The following RGPD1 variants were observed in gnomAD, a reference collection of about 807,000 sequenced individuals.
The protein encoded by RGPD1 is RANBP2 like and GRIP domain containing 1.
RGPD1 carries 7 observed loss-of-function variants against 40.6 expected under a neutral mutation model. The observed-to-expected ratio is 0.17, with a 90% CI of 0.10 to 0.32. The LOEUF is 0.32. RGPD1 is among the 10% of genes least tolerant of loss of function. RGPD1 has a pLI of 1.00. For synonymous variants in RGPD1, 24 were observed against 167.0 expected (o/e 0.14, Z 6.60); for missense variants, 50 against 472.5 (o/e 0.11, Z 8.29).
At chr2:86,915,043 C>T (rs1677726617) in intron 1 of RGPD1, among the ~76,000 whole-genome samples, 1 of 149,700 alleles carries the variant, frequency 6.7e-6, no homozygotes, top group East Asian at 2.0e-4. Context: ...CACCTGTAAT[C>T]CCAACATTTT....
chr2:86,964,268 C>G lies in RGPD1; in HGVS notation c.975+1044C>G, dbSNP rs1170947739. ...CTGTGTTAGCCAGGATGGTCTCAAT[C>G]TCCTGACCTAGTCATCCACCTGCCT... is the stretch of plus-strand genomic sequence containing the variant. On this transcript the variant is annotated intron_variant, in intron 7 of 22. Transcript: ENST00000641458. 4.0e-5 allele frequency among the ~76,000 whole-genome samples: 4 copies of G among 100,896 alleles called. 2 individuals are homozygous for G. Among genetic ancestry groups the G allele is most frequent in the Non-Finnish European group, 7.7e-5 (4 of 51,898 alleles). The allele number at this position is 100,896 out of a possible 152,430, so 66.2% of individuals were successfully genotyped here.
intron 1 of RGPD1, among the ~76,000 whole-genome samples, chr2:86,925,761 G>C (rs1249650793): frequency 6.6e-6 from 1 of 151,802 alleles, no homozygotes; most frequent in South Asian, 2.1e-4. Flanking sequence ...TAAAGAAATA[G>C]AGTCTCGCTG....
In RGPD1 at chr2:86,942,259, G is replaced by A. The variant is rs1387174062; in HGVS notation, c.23G>A (p.Gly8Glu). 3 of 1,607,658 alleles carry A rather than the reference G, an allele frequency of 1.9e-6. No individual in the cohort carries two copies. The highest frequency in any genetic ancestry group is 2.7e-5 in the African/African-American group (2 of 74,798). ...GCGATGAGGCGCAGCAAGGCCTACG[G>A]GGAGCGGTACGTCGCCTCGGTGCAG... MRRSKAY[G>E]ERYVASVQGS... The change falls in exon 1 of 23, where the codon GGG becomes GAG. Residue 8 changes from glycine to glutamate, a missense_variant. Physicochemically the swap from Gly to Glu is moderately conservative, Grantham distance 98 (BLOSUM62 -2). Coordinates refer to ENST00000641458, the MANE Select transcript of RGPD1 (RefSeq NM_001382344.1).
intron 1 of RGPD1, among the ~76,000 whole-genome samples, chr2:86,928,457 G>T (rs1443754931): frequency 1.3e-5 from 2 of 152,150 alleles, no homozygotes; most frequent in African/African-American, 4.8e-5. Flanking sequence ...ATTAAACAGA[G>T]GAGGGACAGG....
At chr2:87,009,246 A>G (rs1295035670) in intron 22 of RGPD1, among the ~76,000 whole-genome samples, 35 of 25,828 alleles carry the variant, frequency 1.4e-3, no homozygotes, top group African/African-American at 5.9e-3. Flanking sequence ...AGGAGCTTGC[A>G]GTGAGCTGAG....
intron 1 of RGPD1, among the ~76,000 whole-genome samples, chr2:86,944,895 TTAATG>T (rs1680224568): frequency 6.6e-6 from 1 of 151,866 alleles, no homozygotes; most frequent in South Asian, 2.1e-4. Context: ...GCTTTTTTCT[TTAATG>T]TAGAGACGGG....
chr2:86,923,284 C>T (rs1322394764), intron 1 of RGPD1, among the ~76,000 whole-genome samples: 1 of 151,656 alleles, frequency 6.6e-6, no homozygotes, highest in Non-Finnish European at 1.5e-5. Flanking sequence ...AGTGACCTTC[C>T]TGACCTTGGT....
chr2:86,926,700 C>G (rs1175473153), intron 1 of RGPD1, among the ~76,000 whole-genome samples: 1 of 151,840 alleles, frequency 6.6e-6, no homozygotes, highest in Non-Finnish European at 1.5e-5. Context: ...TTTTCATTTG[C>G]AACAGGGCTT....
upstream of RGPD1, among the ~76,000 whole-genome samples, chr2:86,941,491 C>T (rs1182784543): frequency 3.4e-5 from 5 of 148,922 alleles, no homozygotes; most frequent in East Asian, 4.0e-4. Flanking sequence ...GGGATCCTCC[C>T]GCCTCGACCT....
At chr2:87,010,645 T>C (rs62148335) in intron 22 of RGPD1, among the ~76,000 whole-genome samples, 19 of 15,304 alleles carry the variant, frequency 1.2e-3, no homozygotes, top group African/African-American at 2.1e-3. Flanking sequence ...TGGTGGCTCA[T>C]GCCTGTAATC....
chr2:86,942,556 T>TCGACCTGGCCGGGCGGCGGCGGCGGCCC lies in RGPD1; in HGVS notation c.72+252_72+253insCTGGCCGGGCGGCGGCGGCGGCCCCGAC, dbSNP rs1679933430. On this transcript the variant is annotated intron_variant, in intron 1 of 22. Transcript: ENST00000641458. ...ACCTGGCCGGGCGGCGGCGGCGGCCTCGACGTGGCCCGGCGGCGGCCTCGA... is the reference window on the plus strand; with the variant it reads ...ACCTGGCCGGGCGGCGGCGGCGGCCTCGACCTGGCCGGGCGGCGGCGGCGGCCCCGACGTGGCCCGGCGGCGGCCTCGA... Among the ~76,000 whole-genome samples the TCGACCTGGCCGGGCGGCGGCGGCGGCCC allele has an allele frequency of 1.8e-5, 2 of 111,866 alleles. 1 individual carries two copies. Among genetic ancestry groups the TCGACCTGGCCGGGCGGCGGCGGCGGCCC allele is most frequent in the Admixed American group, 1.7e-4 (2 of 11,940 alleles). 73.4% of individuals were successfully genotyped at this position (111,866 alleles called of 152,430 possible). A position where few individuals can be genotyped will look rare whatever the true frequency, so the allele number is the denominator to read the frequency against.
chr2:86,933,345 A>G (rs1358217114), intron 1 of RGPD1, among the ~76,000 whole-genome samples: 1 of 150,206 alleles, frequency 6.7e-6, no homozygotes, highest in Non-Finnish European at 1.5e-5. Flanking sequence ...CATGGTATAA[A>G]ACAACTAAAA....
intron 1 of RGPD1, among the ~76,000 whole-genome samples, chr2:86,928,503 A>T (rs928457429): frequency 7.2e-5 from 11 of 151,870 alleles, no homozygotes; most frequent in African/African-American, 2.7e-4. Context: ...GTAGTATGGT[A>T]AATGAGGTAA....
Position 86,963,056 on chromosome 2 carries a change from ATCT to A in RGPD1, c.812_814del (p.Ser271del), listed in dbSNP as rs1681023536. 4 of 30,808 alleles carry A rather than the reference ATCT, an allele frequency of 1.3e-4. No homozygotes were observed. Among genetic ancestry groups the A allele is most frequent in the Admixed American group, 3.2e-4 (1 of 3,140 alleles). 1.9% of individuals were successfully genotyped at this position (30,808 alleles called of 1,614,324 possible). On this transcript the variant is annotated inframe_deletion, in exon 7 of 23. Transcript: ENST00000641458. The stretch of plus-strand genomic sequence containing the variant: ...TTGATAGTGCTCTTCAGTCTGCAAA[ATCT>A]TCTTTGGGTGGAAATGATGAACTGT...
At chr2:86,914,214 CGGCGGCGGCCTCGGCCTGGCCG>C (rs1677620283) in intron 1 of RGPD1, among the ~76,000 whole-genome samples, 1 of 82,198 alleles carries the variant, frequency 1.2e-5, no homozygotes, top group African/African-American at 4.8e-5. Context: ...GGCCGGGCGG[CGGCGGCGGCCTCGGCCTGGCCG>C]GGCGGCGGCG....
rs1234026590 is a variant in RGPD1 at position 86,942,321 on chromosome 2, C to G, written c.72+13C>G. ...GTCGCCTGGAAAGGTGAGTGGATCT[C>G]GAAGAGACCGACGGCCTCGACCTGG... On this transcript the variant is annotated intron_variant, in intron 1 of 22. Transcript: ENST00000641458. 13 of 1,580,564 alleles carry G rather than the reference C, an allele frequency of 8.2e-6. No homozygotes were observed. Among genetic ancestry groups the G allele is most frequent in the Admixed American group, 1.8e-5 (1 of 56,490 alleles).
At chr2:86,978,136 A>C (rs1681346627) in intron 17 of RGPD1, among the ~76,000 whole-genome samples, 1 of 115,670 alleles carries the variant, frequency 8.6e-6, no homozygotes, top group Non-Finnish European at 1.8e-5. Flanking sequence ...ATCACAGCTT[A>C]CTGTGGCTTC....
chr2:86,915,424 C>T (rs1196278692), intron 1 of RGPD1, among the ~76,000 whole-genome samples: 12 of 140,180 alleles, frequency 8.6e-5, no homozygotes, highest in Admixed American at 7.3e-5. Context: ...ATTTCGTAAT[C>T]ACAAGGCCAG....
intron 4 of RGPD1, among the ~76,000 whole-genome samples, chr2:86,954,861 T>A (rs1240572680): frequency 1.5e-5 from 2 of 132,398 alleles, no homozygotes; most frequent in Non-Finnish European, 3.3e-5. Flanking sequence ...TTCCTCATGC[T>A]GCCCCTTTTG....
Sources: allele counts gnomAD v4.1 joint callset (sites outside exome capture counted in the v4.1 genomes callset), GRCh38; gene constraint gnomAD v4.1.1; transcripts MANE v1.5; gene names NCBI Gene and HGNC (gene_info 2026-07-23, HGNC 2026-07-21).